The following EXOC4 variants were observed in gnomAD, a reference collection of about 807,000 sequenced individuals.
EXOC4 encodes the protein SEC8-like 1.
Under a neutral mutation model 107.2 loss-of-function variants are expected in EXOC4, and 71 were observed. The observed-to-expected ratio is 0.66, with a 90% CI of 0.55 to 0.81. EXOC4 has a LOEUF of 0.81. Ranked by LOEUF, EXOC4 falls within the 30% of genes least tolerant of loss-of-function variation. EXOC4 has a pLI of 0.00. For missense variants in EXOC4, 1,108 were observed against 1,189.6 expected (o/e 0.93, Z 1.01); for synonymous variants, 456 against 441.2 (o/e 1.03, Z -0.42).
chr7:133,895,718 C>G lies in EXOC4; in HGVS notation c.1854C>G (p.Thr618=). The G allele has an allele frequency of 1.2e-6, 2 of 1,614,062 alleles. No homozygotes were observed. Among genetic ancestry groups the G allele is most frequent in the Non-Finnish European group, 8.5e-7 (1 of 1,179,976 alleles). Residue 618 remains threonine, a synonymous_variant, in exon 12 of 18, where the codon ACC becomes ACG. Transcript: ENST00000253861. ...TGAAGCTCCAGGAGTACAAGGACAC[C>G]TGCACTGCAGCTTACAGGTAGAGCT... ...VCVKLQEYKD[T]CTAAYRGIVQ...
chr7:133,864,370 G>A (rs1301076063), intron 11 of EXOC4, among the ~76,000 whole-genome samples: 6 of 152,158 alleles, frequency 3.9e-5, no homozygotes, highest in Admixed American at 2.6e-4. Context: ...CTAATATCCA[G>A]ATCTTGACTA....
intron 1 of EXOC4, among the ~76,000 whole-genome samples, chr7:133,267,339 C>A (rs1175212725): frequency 6.6e-6 from 1 of 152,160 alleles, no homozygotes; most frequent in African/African-American, 2.4e-5. Context: ...CTGTCACTGT[C>A]ACTCTTTCTC....
chr7:133,477,515 C>T (rs950957946), intron 8 of EXOC4, among the ~76,000 whole-genome samples: 1 of 152,086 alleles, frequency 6.6e-6, no homozygotes, highest in Non-Finnish European at 1.5e-5. Context: ...GAGTAACATT[C>T]CTTTGTGTGG....
In EXOC4 at chr7:133,663,801, T is replaced by G. The variant is rs190517460; in HGVS notation, c.1514+33660T>G. ...TCCTAATGGTCTTATACTTTATCTC[T>G]TGCTCCTCTCCCTTTTAACCATAAT... On this transcript the variant is annotated intron_variant, in intron 10 of 17. Coordinates refer to ENST00000253861, the MANE Select transcript of EXOC4 (RefSeq NM_021807.4). 4.6e-5 allele frequency among the ~76,000 whole-genome samples: 7 copies of G among 152,334 alleles called. No homozygotes were observed. The East Asian group carries it at 1.3e-3, about 29-fold the overall frequency.
intron 10 of EXOC4, among the ~76,000 whole-genome samples, chr7:133,759,348 C>G (rs751612464): frequency 1.9e-4 from 29 of 152,104 alleles, no homozygotes; most frequent in African/African-American, 7.0e-4. Flanking sequence ...TCTTTTAAAA[C>G]TCAAGTGGAT....
In EXOC4 at chr7:134,064,378, C is replaced by A; in HGVS notation, c.2775C>A (p.Tyr925Ter). ...DQGVKYTELEYIHALTLLHRS... is the reference protein window; with the variant it reads ...DQGVKYTELE ...GTGTGAAGTACACGGAGCTGGAGTACATCCACGCTCTGACCCTGCTGCACC... is the reference window on the plus strand; with the variant it reads ...GTGTGAAGTACACGGAGCTGGAGTAAATCCACGCTCTGACCCTGCTGCACC... The change falls in exon 18 of 18, where the codon TAC (tyrosine) becomes TAA (stop). Residue 925 changes from tyrosine to a stop codon, truncating the protein, a stop_gained. Transcript: ENST00000253861. LOFTEE classifies it high-confidence loss of function. The A allele has an allele frequency of 6.3e-7, 1 of 1,583,742 alleles. No homozygotes were observed. Among genetic ancestry groups the A allele is most frequent in the Non-Finnish European group, 8.6e-7 (1 of 1,162,796 alleles).
At chr7:133,750,773 A>T in intron 10 of EXOC4, among the ~76,000 whole-genome samples, 1 of 151,868 alleles carries the variant, frequency 6.6e-6, no homozygotes. Context: ...TAGATAGGGG[A>T]TCTCCCTATG....
chr7:133,735,143 T>C (rs570310382), intron 10 of EXOC4, among the ~76,000 whole-genome samples: 2 of 136,612 alleles, frequency 1.5e-5, no homozygotes, highest in Non-Finnish European at 1.5e-5. Flanking sequence ...GGAGAATTGC[T>C]TGAACCTTGG....
intron 13 of EXOC4, among the ~76,000 whole-genome samples, chr7:133,926,058 AAAAG>A (rs1273877683): frequency 6.6e-6 from 1 of 151,410 alleles, no homozygotes; most frequent in Non-Finnish European, 1.5e-5. Flanking sequence ...AAAAAAAAAA[AAAAG>A]AAGAAAAGAA....
chr7:133,400,546 T>A (rs1797066726), intron 7 of EXOC4, among the ~76,000 whole-genome samples: 1 of 152,218 alleles, frequency 6.6e-6, no homozygotes, highest in Non-Finnish European at 1.5e-5. Context: ...GGATTCTTTT[T>A]GCTTTTCTTT....
intron 10 of EXOC4, among the ~76,000 whole-genome samples, chr7:133,733,746 C>T (rs764723055): frequency 8.5e-5 from 13 of 152,168 alleles, no homozygotes; most frequent in Non-Finnish European, 1.5e-4. Context: ...ACACTTGACA[C>T]GTCTAGGTGT....
At chr7:133,755,893 C>G (rs1296479390) in intron 10 of EXOC4, among the ~76,000 whole-genome samples, 1 of 152,112 alleles carries the variant, frequency 6.6e-6, no homozygotes, top group Admixed American at 6.5e-5. Flanking sequence ...CTCTGTTAAC[C>G]TCTTCATCCT....
chr7:133,350,190 T>C (rs1325957787), intron 5 of EXOC4, among the ~76,000 whole-genome samples: 2 of 152,132 alleles, frequency 1.3e-5, no homozygotes, highest in Non-Finnish European at 2.9e-5. Flanking sequence ...GCAGTCCAAT[T>C]TGATTTTTTC....
At chr7:133,429,870 G>C (rs1014503107) in intron 7 of EXOC4, among the ~76,000 whole-genome samples, 9 of 152,208 alleles carry the variant, frequency 5.9e-5, no homozygotes, top group Admixed American at 5.9e-4. Flanking sequence ...CCCACTTACT[G>C]GGCTGCTGCT....
chr7:133,952,281 C>T (rs568939517), intron 14 of EXOC4, among the ~76,000 whole-genome samples: 102 of 152,278 alleles, frequency 6.7e-4, no homozygotes, highest in Admixed American at 2.1e-3. Flanking sequence ...CTTTTAACAT[C>T]AAGGGAATGA....
At chr7:133,361,472 G>A (rs1443437137) in intron 6 of EXOC4, among the ~76,000 whole-genome samples, 1 of 152,092 alleles carries the variant, frequency 6.6e-6, no homozygotes, top group African/African-American at 2.4e-5. Flanking sequence ...TGTAGAGACG[G>A]GGTTTCACCG....
At chr7:134,050,706 T>C (rs1795764536) in intron 17 of EXOC4, among the ~76,000 whole-genome samples, 1 of 152,166 alleles carries the variant, frequency 6.6e-6, no homozygotes, top group Non-Finnish European at 1.5e-5. Flanking sequence ...GAATGGCAGG[T>C]TGAAGCAGGG....
At chr7:133,600,138 G>C (rs1244730538) in intron 9 of EXOC4, among the ~76,000 whole-genome samples, 1 of 152,094 alleles carries the variant, frequency 6.6e-6, no homozygotes, top group Non-Finnish European at 1.5e-5. Context: ...CTGGCCTCAA[G>C]AAATCTGTTG....
chr7:133,740,299 G>A (rs1795537811), intron 10 of EXOC4, among the ~76,000 whole-genome samples: 1 of 152,090 alleles, frequency 6.6e-6, no homozygotes, highest in Non-Finnish European at 1.5e-5. Context: ...GAAAACTGTA[G>A]GACCATAAAA....
Sources: allele counts gnomAD v4.1 joint callset (sites outside exome capture counted in the v4.1 genomes callset), GRCh38; gene constraint gnomAD v4.1.1; transcripts MANE v1.5; gene names NCBI Gene and HGNC (gene_info 2026-07-23, HGNC 2026-07-21).